DSCAM: variants seen among roughly 807,000 people sequenced by gnomAD.
DSCAM encodes the protein DS cell adhesion molecule.
Under a neutral mutation model 217.7 loss-of-function variants are expected in DSCAM, and 47 were observed. The ratio of observed to expected loss-of-function variants is 0.22; its 90% CI spans 0.17 to 0.28. The LOEUF (loss-of-function observed/expected upper bound fraction) is 0.28. Ranked by LOEUF, DSCAM falls within the 10% of genes least tolerant of loss-of-function variation. The pLI is 1.00. For missense variants in DSCAM, 2,080 were observed against 2,618.3 expected (o/e 0.79, Z 4.49); for synonymous variants, 1,056 against 1,015.3 (o/e 1.04, Z -0.76).
At chr21:40,246,399 G>A in intron 11 of DSCAM, among the ~76,000 whole-genome samples, 1 of 141,726 alleles carries the variant, frequency 7.1e-6, no homozygotes, top group Non-Finnish European at 1.5e-5. Flanking sequence ...AAATTAGCTA[G>A]GTGTGGTGGT....
At chr21:40,156,068 TTTATA>T (rs1460108759) in intron 16 of DSCAM, among the ~76,000 whole-genome samples, 2 of 146,502 alleles carry the variant, frequency 1.4e-5, no homozygotes, top group Non-Finnish European at 3.0e-5. Context: ...TATAATATAA[TTTATA>T]TTATATTTAA....
intron 11 of DSCAM, among the ~76,000 whole-genome samples, chr21:40,203,548 G>C (rs1163270427): frequency 6.6e-6 from 1 of 152,226 alleles, no homozygotes; most frequent in African/African-American, 2.4e-5. Flanking sequence ...AATCAGCAGA[G>C]CTAACTTTGA....
At chr21:40,834,266 G>T (rs1188385389) in intron 1 of DSCAM, among the ~76,000 whole-genome samples, 1 of 151,598 alleles carries the variant, frequency 6.6e-6, no homozygotes, top group Admixed American at 6.6e-5. Flanking sequence ...AATTAGCCGG[G>T]CATGGTGGCG....
chr21:40,376,467 T>TCG lies in DSCAM; in HGVS notation c.509-7223_509-7222insCG, dbSNP rs2074953754. Among the ~76,000 whole-genome samples the TCG allele has an allele frequency of 6.6e-5, 9 of 135,492 alleles. 1 individual carries two copies. Among genetic ancestry groups the TCG allele is most frequent in the African/African-American group, 2.5e-4 (9 of 36,350 alleles). The allele number at this position is 135,492 out of a possible 152,430, so 88.9% of individuals were successfully genotyped here. A position where few individuals can be genotyped will look rare whatever the true frequency, so the allele number is the denominator to read the frequency against. ...TATATAGATATCTATATATCTTATA[T>TCG]AGATATCTATATATCTTATATAGAT... On this transcript the variant is annotated intron_variant, in intron 3 of 32. Transcript: ENST00000400454.
intron 3 of DSCAM, among the ~76,000 whole-genome samples, chr21:40,417,994 G>T (rs2075388235): frequency 6.6e-6 from 1 of 152,268 alleles, no homozygotes; most frequent in Admixed American, 6.5e-5. Context: ...CCTAGTGCGT[G>T]GATACACCTG....
At chr21:40,760,207 G>A (rs1157210424) in intron 1 of DSCAM, among the ~76,000 whole-genome samples, 6 of 151,822 alleles carry the variant, frequency 4.0e-5, no homozygotes, top group South Asian at 2.1e-4. Flanking sequence ...AGAGAGAGAC[G>A]GGGTTTCACC....
chr21:40,574,634 A>G (rs2146209370), intron 3 of DSCAM, among the ~76,000 whole-genome samples: 1 of 152,254 alleles, frequency 6.6e-6, no homozygotes, highest in South Asian at 2.1e-4. Context: ...AGTCTTAGGT[A>G]GTGCAGTAGG....
intron 3 of DSCAM, among the ~76,000 whole-genome samples, chr21:40,558,658 C>G (rs935829240): frequency 4.6e-5 from 7 of 152,110 alleles, no homozygotes; most frequent in Non-Finnish European, 8.8e-5. Flanking sequence ...ATAGCTTATG[C>G]ATCAATAAAA....
At chr21:40,608,478 T>C (rs1461011696) in intron 3 of DSCAM, among the ~76,000 whole-genome samples, 1 of 152,184 alleles carries the variant, frequency 6.6e-6, no homozygotes, top group East Asian at 1.9e-4. Flanking sequence ...AAATAAGAGA[T>C]ACAGCTCAAA....
intron 32 of DSCAM, among the ~76,000 whole-genome samples, chr21:40,037,691 A>C (rs562441285): frequency 8.0e-5 from 12 of 149,278 alleles, no homozygotes; most frequent in African/African-American, 2.3e-4. Context: ...GGAACCAAAA[A>C]AGAGCCCGCA....
intron 7 of DSCAM, among the ~76,000 whole-genome samples, chr21:40,338,836 G>C (rs1044007589): frequency 6.6e-6 from 1 of 152,164 alleles, no homozygotes. Flanking sequence ...AAGAACCGAA[G>C]AGAAGGAGAA....
intron 3 of DSCAM, among the ~76,000 whole-genome samples, chr21:40,591,097 G>C (rs569083650): frequency 7.5e-6 from 1 of 133,764 alleles, no homozygotes; most frequent in African/African-American, 2.6e-5. Context: ...GTTCTCACGA[G>C]ATCACATTTT....
At chr21:40,114,204 C>G (rs1187409644) in intron 20 of DSCAM, among the ~76,000 whole-genome samples, 1 of 142,702 alleles carries the variant, frequency 7.0e-6, no homozygotes, top group African/African-American at 2.5e-5. Flanking sequence ...GGTACTGGTA[C>G]CAAAACAGAG....
intron 4 of DSCAM, among the ~76,000 whole-genome samples, chr21:40,364,194 A>C (rs1046793399): frequency 3.9e-5 from 6 of 152,186 alleles, no homozygotes; most frequent in East Asian, 1.9e-4. Flanking sequence ...ACCCAAAGTA[A>C]TATAAATCAT....
chr21:40,024,502 G>A (rs527256022), intron 32 of DSCAM, among the ~76,000 whole-genome samples: 2 of 74,912 alleles, frequency 2.7e-5, no homozygotes, highest in African/African-American at 5.2e-5. Context: ...CTACCCATGA[G>A]CATAGAATGT....
intron 1 of DSCAM, among the ~76,000 whole-genome samples, chr21:40,817,614 A>G (rs1199041549): frequency 6.6e-6 from 1 of 152,206 alleles, no homozygotes; most frequent in Non-Finnish European, 1.5e-5. Flanking sequence ...ATGCATAATA[A>G]TTAGGCCTGC....
intron 3 of DSCAM, among the ~76,000 whole-genome samples, chr21:40,530,936 TCCATCCATCCATCCATCCATCCATCCAA>T: frequency 8.4e-6 from 1 of 118,790 alleles, no homozygotes; most frequent in Non-Finnish European, 1.6e-5. Flanking sequence ...CATCCATCCA[TCCATCCATCCATCCATCCATCCATCCAA>T]CCATCCATTC....
At chr21:40,337,830 T>C (rs2074443831) in intron 8 of DSCAM, among the ~76,000 whole-genome samples, 1 of 152,238 alleles carries the variant, frequency 6.6e-6, no homozygotes, top group Non-Finnish European at 1.5e-5. Context: ...AATGATGTGC[T>C]CCTTTTTTTT....
chr21:40,698,359 G>C (rs1444799566), intron 2 of DSCAM, among the ~76,000 whole-genome samples: 1 of 152,136 alleles, frequency 6.6e-6, no homozygotes, highest in Non-Finnish European at 1.5e-5. Flanking sequence ...AGGGAAGAAA[G>C]TTTTGTTACT....
Sources: gnomAD v4.1 joint callset for allele counts (sites outside exome capture counted in the v4.1 genomes callset) on GRCh38, gnomAD v4.1.1 for gene constraint, MANE v1.5 for transcripts, NCBI Gene and HGNC (gene_info 2026-07-23, HGNC 2026-07-21) for gene names.